The following RWDD1 variants were observed in gnomAD, a reference collection of about 807,000 sequenced individuals.
RWDD1 encodes the protein RWD domain-containing protein 1.
In RWDD1, 17 loss-of-function variants were observed where a neutral mutation model predicts 31.6. That is an observed-to-expected ratio of 0.54 (90% CI 0.37 to 0.81). The LOEUF is 0.81. Among genes scored for constraint, RWDD1 ranks in the 30% least tolerant of loss-of-function variants. The pLI is 0.00. For synonymous variants in RWDD1, 78 were observed against 94.2 expected, an observed-to-expected ratio of 0.83 and a Z score of 0.99; for missense variants, 204 against 274.5, an observed-to-expected ratio of 0.74 and a Z score of 1.82.
rs1775258024 is a variant in RWDD1 at position 116,597,584 on chromosome 6, T to C, written c.*4483T>C. The C allele has an allele frequency of 6.6e-6, 1 of 152,166 alleles. No homozygotes were observed. Among genetic ancestry groups the C allele is most frequent in the Non-Finnish European group, 1.5e-5 (1 of 68,024 alleles). The allele number at this position is 152,166 out of a possible 1,614,324, so 9.4% of individuals were successfully genotyped here. A position where few individuals can be genotyped will look rare whatever the true frequency, so the allele number is the denominator to read the frequency against. On this transcript the variant is annotated 3_prime_UTR_variant, in exon 7 of 7. Transcript: ENST00000466444. ...TAATGAACAATGCATCATGGGATTATTGGCTGCAAATAAATTGGAAACATA... is the reference window on the plus strand; with the variant it reads ...TAATGAACAATGCATCATGGGATTACTGGCTGCAAATAAATTGGAAACATA...
At chr6:116,584,689 T>C (rs771516596) in intron 2 of RWDD1, 38 bp from the exon 3 acceptor site, 2 of 1,580,866 alleles carry the variant, frequency 1.3e-6, no homozygotes, top group East Asian at 2.2e-5. Context: ...CTCTTTACTT[T>C]TAAGGTATTC....
At chr6:116,580,154 G>A (rs1259624409) in intron 1 of RWDD1, 141 bp from the exon 2 acceptor site, 2 of 433,138 alleles carry the variant, frequency 4.6e-6, no homozygotes, top group Non-Finnish European at 8.2e-6. Flanking sequence ...TCATTTCAGT[G>A]TTCTGTTCAG....
Position 116,594,066 on chromosome 6 carries a change from CTATG to C in RWDD1, c.*967_*970del, listed in dbSNP as rs1775200639. 3 of 150,900 alleles carry C rather than the reference CTATG, an allele frequency of 2.0e-5. No homozygotes were observed. The highest frequency in any genetic ancestry group is 2.1e-4 in the South Asian group (1 of 4,772). The allele number at this position is 150,900 out of a possible 1,614,324, so 9.3% of individuals were successfully genotyped here. A position where few individuals can be genotyped will look rare whatever the true frequency, so the allele number is the denominator to read the frequency against. ...ACTCATGGTAGAAGGGGAAGAGGCA[CTATG>C]TGTGTAGAGATCACATGGCCAGAGA... On this transcript the variant is annotated 3_prime_UTR_variant, in exon 7 of 7. Coordinates refer to ENST00000466444, the MANE Select transcript of RWDD1 (RefSeq NM_015952.4).
Position 116,594,116 on chromosome 6 carries a change from CTT to C in RWDD1, c.*1029_*1030del, listed in dbSNP as rs1205097314. ...AGAGAGTGAGGGTGGAAGTGCCAGGCTTTTTTTTTTTTTTTAAACTAGCTTTG... is the reference window on the plus strand; with the variant it reads ...AGAGAGTGAGGGTGGAAGTGCCAGGCTTTTTTTTTTTTTAAACTAGCTTTG... On this transcript the variant is annotated 3_prime_UTR_variant, in exon 7 of 7. Transcript: ENST00000466444. 2.6e-4 allele frequency: 36 copies of C among 136,986 alleles called. No individual in the cohort carries two copies. Among genetic ancestry groups the C allele is most frequent in the Non-Finnish European group, 2.4e-4 (15 of 62,980 alleles). The allele number at this position is 136,986 out of a possible 1,614,324, so 8.5% of individuals were successfully genotyped here. A position where few individuals can be genotyped will look rare whatever the true frequency, so the allele number is the denominator to read the frequency against.
At position 116,593,645 on chromosome 6, in the gene RWDD1, G is replaced by A. The variant is rs1014603824; in HGVS notation, c.*544G>A. 6.6e-6 allele frequency: 1 copy of A among 151,068 alleles called. No homozygotes were observed. The highest frequency in any genetic ancestry group is 2.5e-5 in the African/African-American group (1 of 40,646). 9.4% of individuals were successfully genotyped at this position (151,068 alleles called of 1,614,324 possible). ...TTGCCGTAAAGGAATATCTGAGGCT[G>A]GGTAATTTATAAAAGGTTTGCCGGG... is the stretch of plus-strand genomic sequence containing the variant. On this transcript the variant is annotated 3_prime_UTR_variant, in exon 7 of 7. Coordinates refer to ENST00000466444, the MANE Select transcript of RWDD1 (RefSeq NM_015952.4).
intron 1 of RWDD1, among the ~76,000 whole-genome samples, chr6:116,579,097 A>C (rs1487465355): frequency 6.6e-6 from 1 of 152,186 alleles, no homozygotes; most frequent in East Asian, 1.9e-4. Flanking sequence ...GCTGGTCTCG[A>C]ACTCCTGGCT....
chr6:116,596,252 G>C lies in RWDD1; in HGVS notation c.*3151G>C, dbSNP rs989823589. On this transcript the variant is annotated 3_prime_UTR_variant, in exon 7 of 7. Transcript: ENST00000466444. ...TCAAGAACTGTAGGAACTAATTTTA[G>C]AAAAAGACTCTTCAGAACAGATGAC... is the stretch of plus-strand genomic sequence containing the variant. 2.6e-5 allele frequency: 4 copies of C among 152,172 alleles called. No individual in the cohort carries two copies. The highest frequency in any genetic ancestry group is 5.9e-5 in the Non-Finnish European group (4 of 68,038). The allele number at this position is 152,172 out of a possible 1,614,324, so 9.4% of individuals were successfully genotyped here.
Position 116,580,340 on chromosome 6 carries a change from A to G in RWDD1, c.119A>G (p.Glu40Gly). 1 of 1,602,344 alleles carries G rather than the reference A, an allele frequency of 6.2e-7. No homozygotes were observed. The highest frequency in any genetic ancestry group is 8.5e-7 in the Non-Finnish European group (1 of 1,172,716). The stretch of plus-strand genomic sequence containing the variant: ...AGCTTCACCATTACTGTGACGTCTG[A>G]GGCTGGAGAAAATGATGAAAGTAAG... ...PPSFTITVTS[E>G]AGENDETVQT... is the part of the protein sequence containing the mutation. The change falls in exon 2 of 7, where the codon GAG (glutamate) becomes GGG (glycine). Residue 40 changes from glutamate (E) to glycine (G), a missense_variant. By Grantham distance (98) the Glu-to-Gly change is moderately conservative (BLOSUM62 -2). Coordinates refer to ENST00000466444, the MANE Select transcript of RWDD1 (RefSeq NM_015952.4).
intron 2 of RWDD1, among the ~76,000 whole-genome samples, chr6:116,580,812 C>T (rs988134962): frequency 6.6e-6 from 1 of 151,944 alleles, no homozygotes. Context: ...ATGTTTCTGT[C>T]TCTTTCTTTT....
chr6:116,573,837 T>C (rs534503170), intron 1 of RWDD1, among the ~76,000 whole-genome samples: 1 of 151,592 alleles, frequency 6.6e-6, no homozygotes, highest in East Asian at 2.0e-4. Context: ...TTTTTTTTAA[T>C]GGATGACTGA....
intron 2 of RWDD1, among the ~76,000 whole-genome samples, chr6:116,583,498 T>G (rs1197468009): frequency 6.6e-6 from 1 of 152,046 alleles, no homozygotes; most frequent in Non-Finnish European, 1.5e-5. Context: ...ACTTGAAATT[T>G]ACTGAAAGAG....
chr6:116,584,259 G>A (rs1408851585), intron 2 of RWDD1, among the ~76,000 whole-genome samples: 5 of 152,142 alleles, frequency 3.3e-5, no homozygotes, highest in African/African-American at 1.2e-4. Context: ...AGGTCTAAAC[G>A]GTGCCATCCA....
At chr6:116,578,293 C>G (rs1774886182) in intron 1 of RWDD1, among the ~76,000 whole-genome samples, 1 of 152,094 alleles carries the variant, frequency 6.6e-6, no homozygotes, top group Admixed American at 6.5e-5. Context: ...TAGTTGGCAG[C>G]TTATTTTTCT....
chr6:116,583,010 C>G (rs138774366), intron 2 of RWDD1, among the ~76,000 whole-genome samples: 2 of 148,192 alleles, frequency 1.3e-5, no homozygotes, highest in East Asian at 4.0e-4. Flanking sequence ...AAGGATCTTA[C>G]TCTGTTGCCC....
chr6:116,571,852 C>T (rs1226597020), intron 1 of RWDD1, among the ~76,000 whole-genome samples, 197 bp downstream of exon 1: 1 of 151,906 alleles, frequency 6.6e-6, no homozygotes, highest in Non-Finnish European at 1.5e-5. Context: ...TGCTTGTTCC[C>T]GGAAATCTAA....
intron 2 of RWDD1, among the ~76,000 whole-genome samples, chr6:116,582,267 T>A (rs1031743664): frequency 6.7e-6 from 1 of 150,114 alleles, no homozygotes; most frequent in Non-Finnish European, 1.5e-5. Context: ...TTTTTTTTTT[T>A]AAACTTAGTT....
chr6:116,593,147 T>C lies in RWDD1; in HGVS notation c.*46T>C, dbSNP rs746317202. Reference sequence around the variant, plus strand: ...AGAGGCTTGACTGCCACAGCATCTGTGGCTATGCTCAGAGGGTTATGATTT... The same window carrying C: ...AGAGGCTTGACTGCCACAGCATCTGCGGCTATGCTCAGAGGGTTATGATTT... On this transcript the variant is annotated 3_prime_UTR_variant, in exon 7 of 7. Transcript: ENST00000466444. 1 of 1,573,358 alleles carries C rather than the reference T, an allele frequency of 6.4e-7. No individual in the cohort carries two copies.
rs375414340 is a variant in RWDD1 at position 116,580,275 on chromosome 6, C to G, written c.74-20C>G. On this transcript the variant is annotated intron_variant, in intron 1 of 6. Coordinates refer to ENST00000466444, the MANE Select transcript of RWDD1 (RefSeq NM_015952.4). Reference sequence around the variant, plus strand: ...GCCTTAGAAAGCATTTCAATAACTTCTGTGTGTATTTTCTTGCAGTATTAT... The same window carrying G: ...GCCTTAGAAAGCATTTCAATAACTTGTGTGTGTATTTTCTTGCAGTATTAT... The G allele has an allele frequency of 6.4e-7, 1 of 1,570,154 alleles. No homozygotes were observed. Among genetic ancestry groups the G allele is most frequent in the East Asian group, 2.3e-5 (1 of 44,062 alleles).
At chr6:116,582,671 A>G (rs1366064980) in intron 2 of RWDD1, among the ~76,000 whole-genome samples, 2 of 151,696 alleles carry the variant, frequency 1.3e-5, no homozygotes, top group Non-Finnish European at 2.9e-5. Flanking sequence ...GATTTTATTC[A>G]TTTTCGTCTT....
Sources: allele counts gnomAD v4.1 joint callset (sites outside exome capture counted in the v4.1 genomes callset), GRCh38; gene constraint gnomAD v4.1.1; transcripts MANE v1.5; gene names NCBI Gene and HGNC (gene_info 2026-07-23, HGNC 2026-07-21).